Variants in CD2AP observed in about 807,000 individuals in gnomAD.
CD2AP encodes the protein CD2 associated protein, also known as CD2-associated protein.
Under a neutral mutation model 85.1 loss-of-function variants are expected in CD2AP, and 46 were observed. The observed-to-expected ratio is 0.54, with a 90% confidence interval of 0.43 to 0.69. CD2AP has a LOEUF of 0.69. Ranked by LOEUF, CD2AP falls within the 30% of genes least tolerant of loss-of-function variation. CD2AP has a pLI of 0.00. For synonymous variants in CD2AP, 255 were observed against 252.9 expected (o/e 1.01, Z -0.08); for missense variants, 769 against 729.5 (o/e 1.05, Z -0.62).
At chr6:47,502,827 C>A (rs1349133534) in intron 1 of CD2AP, among the ~76,000 whole-genome samples, 1 of 152,094 alleles carries the variant, frequency 6.6e-6, no homozygotes, top group Non-Finnish European at 1.5e-5. Flanking sequence ...TCTGCCTCGG[C>A]CTCCCAAAGT....
At chr6:47,531,432 T>TG (rs1236018913) in intron 2 of CD2AP, among the ~76,000 whole-genome samples, 1 of 151,786 alleles carries the variant, frequency 6.6e-6, no homozygotes, top group Admixed American at 6.6e-5. Context: ...ACTGCACTGT[T>TG]GCGGGAAACC....
rs1348301607 is a variant in CD2AP, at chr6:47,533,699, A to G, written c.263A>G (p.Tyr88Cys). ...AGTCTTGTACAACGAATAAGCACCT[A>G]TGGACTTCCAGCTGGAGGAATTCAG... ...VASLVQRIST[Y>C]GLPAGGIQPH... is the part of the protein sequence containing the mutation. Residue 88 changes from tyrosine (Y) to cysteine (C), a missense_variant, in exon 3 of 18, where the codon TAT becomes TGT. Physicochemically the swap from Tyr to Cys is radical, Grantham distance 194 (BLOSUM62 -2). Coordinates refer to ENST00000359314, the MANE Select transcript of CD2AP (RefSeq NM_012120.3). The G allele has an allele frequency of 3.7e-6, 6 of 1,614,060 alleles. No individual in the cohort carries two copies. In the South Asian group the frequency reaches 4.4e-5, roughly 12 times the overall value.
rs767908402 is a variant in CD2AP, at chr6:47,544,611, A to G, written c.325A>G (p.Lys109Glu). ...TATTATGTTACTTTCTTTAGAGACC[A>G]AGAAGCGTCAGTGTAAAGTTCTTTT... ...PQTKNIKKKT[K>E]KRQCKVLFEY... Residue 109 changes from lysine to glutamate, a missense_variant, in exon 4 of 18, where the codon AAG becomes GAG. Lys to Glu is a moderately conservative substitution (Grantham distance 56). Coordinates refer to ENST00000359314, the MANE Select transcript of CD2AP (RefSeq NM_012120.3). 4 of 1,600,648 alleles carry G rather than the reference A, an allele frequency of 2.5e-6. No individual in the cohort carries two copies. The highest frequency in any genetic ancestry group is 3.4e-6 in the Non-Finnish European group (4 of 1,167,976).
Position 47,574,244 on chromosome 6 carries a change from C to T in CD2AP, c.722C>T (p.Pro241Leu), listed in dbSNP as rs1303688571. The T allele has an allele frequency of 6.2e-7, 1 of 1,613,418 alleles. No homozygotes were observed. The highest frequency in any genetic ancestry group is 2.2e-5 in the East Asian group (1 of 44,824). ...AGTAGTGAAACAGAAGAGAAAAAAC[C>T]AGAAAAGGTGGTAATGATGGACTTG... is the stretch of plus-strand genomic sequence containing the variant. The part of the protein sequence containing the change: ...TSSSETEEKK[P>L]EKPLILQSLG... The change falls in exon 6 of 18, where the codon CCA (proline) becomes CTA (leucine). Residue 241 changes from proline (P) to leucine (L), a missense_variant. Transcript: ENST00000359314.
At chr6:47,532,404 C>T (rs915987787) in intron 2 of CD2AP, among the ~76,000 whole-genome samples, 1 of 133,394 alleles carries the variant, frequency 7.5e-6, no homozygotes, top group Non-Finnish European at 1.6e-5. Context: ...CACACACACA[C>T]ACACACACAC....
At chr6:47,622,674 C>A (rs1769787502) in intron 17 of CD2AP, among the ~76,000 whole-genome samples, 1 of 152,186 alleles carries the variant, frequency 6.6e-6, no homozygotes, top group African/African-American at 2.4e-5. Flanking sequence ...GCAGTTGGGA[C>A]ACACACACTA....
At chr6:47,611,941 T>G (rs1769452815) in intron 16 of CD2AP, among the ~76,000 whole-genome samples, 1 of 152,076 alleles carries the variant, frequency 6.6e-6, no homozygotes, top group Admixed American at 6.6e-5. Context: ...ATAGAAAGAT[T>G]AGAAGGGAAC....
intron 1 of CD2AP, among the ~76,000 whole-genome samples, chr6:47,494,425 C>A (rs1216419734): frequency 2.3e-4 from 35 of 152,202 alleles, no homozygotes; most frequent in Non-Finnish European, 1.5e-4. Flanking sequence ...CTATTATAAT[C>A]TTAATTATTA....
chr6:47,562,751 A>G (rs775279393), intron 5 of CD2AP: 13 of 862,386 alleles, frequency 1.5e-5, no homozygotes, highest in Middle Eastern at 3.3e-4. Context: ...GCCTTAGACA[A>G]GTGGCAAGCT....
intron 3 of CD2AP, among the ~76,000 whole-genome samples, chr6:47,536,282 T>A (rs1322263375): frequency 2.0e-5 from 3 of 152,108 alleles, no homozygotes; most frequent in Non-Finnish European, 4.4e-5. Context: ...AATAGATCAC[T>A]TATTTAAAAG....
chr6:47,599,561 C>A, intron 13 of CD2AP, 118 bp downstream of exon 13: 1 of 931,316 alleles, frequency 1.1e-6, no homozygotes, highest in Non-Finnish European at 1.6e-6. Context: ...TGAAATTACA[C>A]AGTTGAAATT....
intron 3 of CD2AP, among the ~76,000 whole-genome samples, chr6:47,539,644 T>A (rs983836740): frequency 1.3e-5 from 2 of 152,202 alleles, no homozygotes; most frequent in Non-Finnish European, 2.9e-5. Flanking sequence ...AACTTTTTAT[T>A]TCCTTTTTTT....
chr6:47,548,024 G>GA (rs1413311499), intron 4 of CD2AP, among the ~76,000 whole-genome samples: 4 of 152,142 alleles, frequency 2.6e-5, no homozygotes, highest in Non-Finnish European at 5.9e-5. Context: ...AGCAAAGGCA[G>GA]TGCTAAGAGG....
chr6:47,607,895 TTA>T, intron 14 of CD2AP, 30 bp from the exon 15 acceptor site: 1 of 1,435,534 alleles, frequency 7.0e-7, no homozygotes, highest in Non-Finnish European at 9.8e-7. Context: ...CTTTGGTCTA[TTA>T]TGTCTCTTGA....
At position 47,574,158 on chromosome 6, in the gene CD2AP, A is replaced by T. The variant is rs146010044; in HGVS notation, c.636A>T (p.Arg212=). 413 of 1,614,030 alleles carry T rather than the reference A, an allele frequency of 2.6e-4. 1 individual carries two copies. In the African/African-American group the frequency reaches 5.0e-3, roughly 20 times the overall value. Residue 212 remains arginine, a synonymous_variant, in exon 6 of 18, where the codon CGA becomes CGT. Coordinates refer to ENST00000359314, the MANE Select transcript of CD2AP (RefSeq NM_012120.3). ...SGSVTQPKKI[R]GIGFGDIFKE... ...CAGTTACACAGCCAAAGAAAATTCG[A>T]GGAATTGGATTTGGAGACATTTTTA...
chr6:47,586,462 G>A (rs1225455559), intron 11 of CD2AP, among the ~76,000 whole-genome samples: 8 of 152,158 alleles, frequency 5.3e-5, no homozygotes, highest in African/African-American at 1.7e-4. Flanking sequence ...AAAGGTGAGA[G>A]AATGGGGACA....
intron 16 of CD2AP, among the ~76,000 whole-genome samples, chr6:47,610,980 T>A (rs1364469361): frequency 2.8e-5 from 4 of 143,100 alleles, no homozygotes; most frequent in African/African-American, 7.7e-5. Context: ...TATTTTTTTT[T>A]TTTTTTGAAT....
intron 1 of CD2AP, among the ~76,000 whole-genome samples, chr6:47,495,418 A>G (rs1226245578): frequency 6.6e-6 from 1 of 152,192 alleles, no homozygotes; most frequent in African/African-American, 2.4e-5. Flanking sequence ...GAGTCTCCAG[A>G]AAGAACTAAC....
chr6:47,563,125 A>G (rs1489577503), intron 5 of CD2AP: 18 of 202,838 alleles, frequency 8.9e-5, no homozygotes, highest in Admixed American at 8.3e-4. Context: ...AGTGGAAGCT[A>G]TTTTAACAAG....
Sources: allele counts gnomAD v4.1 joint callset (sites outside exome capture counted in the v4.1 genomes callset), GRCh38; gene constraint gnomAD v4.1.1; transcripts MANE v1.5; gene names NCBI Gene and HGNC (gene_info 2026-07-23, HGNC 2026-07-21).